The following CCSER1 variants were observed in gnomAD, a reference collection of about 807,000 sequenced individuals.
CCSER1 encodes serine-rich coiled-coil domain-containing protein 1.
In CCSER1, 41 loss-of-function variants were observed where a neutral mutation model predicts 82.0. That is an observed-to-expected ratio of 0.50 (90% CI 0.39 to 0.65). The LOEUF (loss-of-function observed/expected upper bound fraction) is 0.65. Among genes scored for constraint, CCSER1 ranks in the 30% least tolerant of loss-of-function variants. The pLI is 0.00. For synonymous variants in CCSER1, 414 were observed against 383.9 expected, an observed-to-expected ratio of 1.08 and a Z score of -0.92; for missense variants, 1,119 against 1,064.2, an observed-to-expected ratio of 1.05 and a Z score of -0.72.
intron 1 of CCSER1, among the ~76,000 whole-genome samples, chr4:90,228,970 G>A (rs957463127): frequency 6.6e-6 from 1 of 152,212 alleles, no homozygotes; most frequent in Admixed American, 6.5e-5. Flanking sequence ...ATGGGACTAC[G>A]TGTAAAGACG....
chr4:91,232,214 AT>A (rs1479771741), intron 10 of CCSER1, among the ~76,000 whole-genome samples: 5 of 151,890 alleles, frequency 3.3e-5, no homozygotes, highest in Non-Finnish European at 7.4e-5. Context: ...CAGCAATTAC[AT>A]TTCTAGGACT....
intron 6 of CCSER1, among the ~76,000 whole-genome samples, chr4:90,705,192 G>A (rs778222247): frequency 2.0e-5 from 3 of 152,166 alleles, no homozygotes; most frequent in Non-Finnish European, 2.9e-5. Flanking sequence ...CCTTCTAACA[G>A]TCAGGACCCT....
chr4:91,569,281 G>A (rs1763047320), intron 10 of CCSER1, among the ~76,000 whole-genome samples: 1 of 152,122 alleles, frequency 6.6e-6, no homozygotes, highest in Non-Finnish European at 1.5e-5. Flanking sequence ...CTCCCCTTGA[G>A]TGCTGGCTGT....
At chr4:90,426,139 G>GT (rs748678133) in intron 4 of CCSER1, among the ~76,000 whole-genome samples, 37 of 152,252 alleles carry the variant, frequency 2.4e-4, no homozygotes, top group Non-Finnish European at 4.4e-4. Flanking sequence ...CCTTGGCAGA[G>GT]TAGGGAGTCA....
At chr4:90,706,066 C>T (rs1739283721) in intron 6 of CCSER1, among the ~76,000 whole-genome samples, 1 of 152,198 alleles carries the variant, frequency 6.6e-6, no homozygotes, top group South Asian at 2.1e-4. Flanking sequence ...CTGGGTCGCT[C>T]ATGTTGGGAG....
intron 7 of CCSER1, chr4:90,781,464 A>G: frequency 3.0e-6 from 3 of 985,264 alleles, no homozygotes; most frequent in Non-Finnish European, 1.2e-6. Context: ...TAATGAAATG[A>G]TGGACATAAA....
At chr4:91,439,853 CAA>C (rs1754986418) in intron 10 of CCSER1, among the ~76,000 whole-genome samples, 1 of 152,088 alleles carries the variant, frequency 6.6e-6, no homozygotes, top group Admixed American at 6.5e-5. Flanking sequence ...CAACAAAGAT[CAA>C]AAGAGACAAA....
At chr4:90,602,300 G>A (rs1356597470) in intron 5 of CCSER1, among the ~76,000 whole-genome samples, 2 of 152,030 alleles carry the variant, frequency 1.3e-5, no homozygotes, top group Admixed American at 6.6e-5. Context: ...TTCCTTGAAT[G>A]TATTTTGGCT....
At chr4:90,172,427 A>G (rs1731884665) in intron 1 of CCSER1, among the ~76,000 whole-genome samples, 1 of 151,920 alleles carries the variant, frequency 6.6e-6, no homozygotes, top group African/African-American at 2.4e-5. Context: ...AGATTCTTTT[A>G]GTAATAGCTT....
At chr4:90,324,604 C>A (rs1274290906) in intron 3 of CCSER1, among the ~76,000 whole-genome samples, 1 of 150,074 alleles carries the variant, frequency 6.7e-6, no homozygotes, top group African/African-American at 2.5e-5. Context: ...CGAAAATTTT[C>A]TCCCATTTTG....
intron 6 of CCSER1, among the ~76,000 whole-genome samples, chr4:90,673,296 G>A (rs929974206): frequency 2.0e-5 from 3 of 151,828 alleles, no homozygotes; most frequent in African/African-American, 4.8e-5. Flanking sequence ...ATATCTTAAG[G>A]TATGCTATTT....
chr4:90,325,049 T>C (rs1364278809), intron 3 of CCSER1, among the ~76,000 whole-genome samples: 2 of 152,202 alleles, frequency 1.3e-5, no homozygotes, highest in Non-Finnish European at 2.9e-5. Flanking sequence ...TTGGTACCTA[T>C]CCTCTTTAAT....
At chr4:91,425,134 T>TA (rs970609222) in intron 10 of CCSER1, among the ~76,000 whole-genome samples, 4 of 152,058 alleles carry the variant, frequency 2.6e-5, no homozygotes, top group African/African-American at 9.7e-5. Context: ...TTAGAAACAC[T>TA]AAAAGCGACA....
chr4:90,836,467 GT>G (rs548843736), intron 8 of CCSER1, among the ~76,000 whole-genome samples: 172 of 152,218 alleles, frequency 1.1e-3, no homozygotes, highest in Non-Finnish European at 2.1e-3. Flanking sequence ...CACTCTTGGA[GT>G]TTCTGGTACA....
intron 10 of CCSER1, among the ~76,000 whole-genome samples, chr4:91,504,885 A>G (rs538040659): frequency 1.3e-5 from 2 of 152,232 alleles, no homozygotes; most frequent in Admixed American, 1.3e-4. Context: ...GATTTTTGAC[A>G]TTTATTTCCT....
At chr4:90,547,490 G>T (rs567536528) in intron 5 of CCSER1, among the ~76,000 whole-genome samples, 1 of 151,800 alleles carries the variant, frequency 6.6e-6, no homozygotes, top group Admixed American at 6.6e-5. Context: ...TTTTAGTCTT[G>T]CAGTCTAATT....
intron 5 of CCSER1, among the ~76,000 whole-genome samples, chr4:90,497,232 C>T (rs1199538840): frequency 2.6e-5 from 4 of 152,102 alleles, no homozygotes; most frequent in Non-Finnish European, 5.9e-5. Flanking sequence ...GAACCATGTC[C>T]TTGCTTTGAT....
chr4:91,134,641 A>AT (rs143985629), intron 10 of CCSER1, among the ~76,000 whole-genome samples: 3,546 of 152,332 alleles, frequency 0.023, 90 homozygotes, highest in East Asian at 0.1. Context: ...TCAACTAATA[A>AT]ATGTAGAAAC....
chr4:91,499,530 A>G (rs1001016024), intron 10 of CCSER1, among the ~76,000 whole-genome samples: 1 of 151,900 alleles, frequency 6.6e-6, no homozygotes, highest in Non-Finnish European at 1.5e-5. Flanking sequence ...TTGGTGGTGC[A>G]GATTCTGTGG....
Sources: gnomAD v4.1 joint callset for allele counts (sites outside exome capture counted in the v4.1 genomes callset) on GRCh38, gnomAD v4.1.1 for gene constraint, MANE v1.5 for transcripts, NCBI Gene and HGNC (gene_info 2026-07-23, HGNC 2026-07-21) for gene names.